KCTD8: variants seen among roughly 807,000 people sequenced by gnomAD.
KCTD8 encodes potassium channel tetramerization domain containing 8.
A neutral mutation model predicts 31.5 loss-of-function variants in KCTD8; 27 were observed. That is an observed-to-expected ratio of 0.86 (90% CI 0.63 to 1.18). KCTD8 has a LOEUF of 1.18. Among genes scored for constraint, KCTD8 ranks in the 50% most tolerant of loss-of-function variants. The pLI is 0.00. For synonymous variants in KCTD8, 290 were observed against 280.0 expected (o/e 1.04, Z -0.36); for missense variants, 658 against 647.7 (o/e 1.02, Z -0.17).
chr4:44,370,949 T>A (rs1250209474), intron 1 of KCTD8, among the ~76,000 whole-genome samples: 1 of 151,952 alleles, frequency 6.6e-6, no homozygotes, highest in Non-Finnish European at 1.5e-5. Context: ...TGTGAAGAAT[T>A]GGCTCATATG....
intron 1 of KCTD8, among the ~76,000 whole-genome samples, chr4:44,370,733 T>C (rs549750392): frequency 6.6e-6 from 1 of 152,296 alleles, no homozygotes; most frequent in East Asian, 1.9e-4. Flanking sequence ...CAGGCCATAA[T>C]TGAGTTACAC....
At chr4:44,323,498 C>CCA (rs1718355112) in intron 1 of KCTD8, among the ~76,000 whole-genome samples, 1 of 88,468 alleles carries the variant, frequency 1.1e-5, no homozygotes, top group African/African-American at 3.7e-5. Flanking sequence ...CCATCCCCAC[C>CCA]CACCCCCCCC....
At chr4:44,443,591 TCAAA>T (rs146827677) in intron 1 of KCTD8, among the ~76,000 whole-genome samples, 2,294 of 152,204 alleles carry the variant, frequency 0.015, 42 homozygotes, top group Middle Eastern at 0.071. Flanking sequence ...TTTTCATGTA[TCAAA>T]CAAACAAACA....
intron 1 of KCTD8, among the ~76,000 whole-genome samples, chr4:44,334,565 T>C (rs753119112): frequency 6.6e-6 from 1 of 152,108 alleles, no homozygotes; most frequent in African/African-American, 2.4e-5. Flanking sequence ...AGGGATTAAA[T>C]TATAAATGTA....
chr4:44,302,544 C>T (rs866461178), intron 1 of KCTD8, among the ~76,000 whole-genome samples: 32 of 152,070 alleles, frequency 2.1e-4, no homozygotes, highest in African/African-American at 7.0e-4. Flanking sequence ...TATAAGAATG[C>T]TTGTGATTTT....
chr4:44,406,415 T>C (rs1486362304), intron 1 of KCTD8, among the ~76,000 whole-genome samples: 3 of 152,148 alleles, frequency 2.0e-5, no homozygotes, highest in African/African-American at 7.2e-5. Flanking sequence ...ATTTGATTCA[T>C]GGGGGTGGTT....
At chr4:44,271,872 C>G (rs1419829092) in intron 1 of KCTD8, among the ~76,000 whole-genome samples, 1 of 152,012 alleles carries the variant, frequency 6.6e-6, no homozygotes, top group South Asian at 2.1e-4. Context: ...GCTCTGAAGG[C>G]TGTGAGTCCC....
chr4:44,228,942 G>T (rs139949744), intron 1 of KCTD8, among the ~76,000 whole-genome samples: 288 of 152,164 alleles, frequency 1.9e-3, no homozygotes, highest in Middle Eastern at 0.01. Flanking sequence ...AACACTCATT[G>T]CCTTTAAAAT....
intron 1 of KCTD8, among the ~76,000 whole-genome samples, chr4:44,218,658 G>A (rs951257656): frequency 2.3e-4 from 34 of 150,974 alleles, no homozygotes; most frequent in African/African-American, 8.0e-4. Flanking sequence ...AATTAAAAAT[G>A]TGGCGTTCCA....
intron 1 of KCTD8, among the ~76,000 whole-genome samples, chr4:44,390,125 AG>A (rs1487267992): frequency 6.6e-6 from 1 of 152,022 alleles, no homozygotes; most frequent in East Asian, 1.9e-4. Flanking sequence ...GTTGTGCAGA[AG>A]CATTTTAGTT....
At chr4:44,412,044 A>G (rs1217389128) in intron 1 of KCTD8, among the ~76,000 whole-genome samples, 6 of 152,196 alleles carry the variant, frequency 3.9e-5, no homozygotes, top group African/African-American at 1.4e-4. Flanking sequence ...TGATATCTTA[A>G]ACCTAGAATA....
At chr4:44,427,469 G>GA (rs1231627905) in intron 1 of KCTD8, among the ~76,000 whole-genome samples, 4 of 150,918 alleles carry the variant, frequency 2.7e-5, no homozygotes, top group African/African-American at 9.7e-5. Flanking sequence ...GTCTAAAATA[G>GA]AAAAAAATGG....
chr4:44,442,243 T>C (rs1051647175), intron 1 of KCTD8, among the ~76,000 whole-genome samples: 1 of 152,198 alleles, frequency 6.6e-6, no homozygotes, highest in African/African-American at 2.4e-5. Context: ...TTATTTAATC[T>C]TATTTTTTGT....
chr4:44,436,432 G>GA (rs375428904), intron 1 of KCTD8, among the ~76,000 whole-genome samples: 3 of 151,534 alleles, frequency 2.0e-5, no homozygotes, highest in Non-Finnish European at 2.9e-5. Context: ...TATATTAACA[G>GA]AAAAAAAGAC....
intron 1 of KCTD8, among the ~76,000 whole-genome samples, chr4:44,355,659 G>T (rs1262246812): frequency 2.6e-5 from 4 of 152,094 alleles, no homozygotes; most frequent in African/African-American, 9.7e-5. Context: ...GACAGCTAGG[G>T]TTGACTTCTG....
At chr4:44,413,881 G>C (rs1035301905) in intron 1 of KCTD8, among the ~76,000 whole-genome samples, 1 of 152,090 alleles carries the variant, frequency 6.6e-6, no homozygotes, top group Admixed American at 6.6e-5. Context: ...AGAGGGACAG[G>C]AAAATCAGAC....
Position 44,386,926 on chromosome 4 carries a change from G to A in KCTD8, c.961+60637C>T, listed in dbSNP as rs898093341. Among the ~76,000 whole-genome samples, 6 of 151,608 alleles carry A rather than the reference G, an allele frequency of 4.0e-5. No homozygotes were observed. In the East Asian group the frequency reaches 1.2e-3, roughly 29 times the overall value. ...TAAAGGGCATTCAAACAGAAACAGA[G>A]GAAGTCAAATTATCTTTATTTGCAG... On this transcript the variant is annotated intron_variant, in intron 1 of 1. Transcript: ENST00000360029.
At chr4:44,376,905 A>G (rs1423447286) in intron 1 of KCTD8, among the ~76,000 whole-genome samples, 1 of 152,160 alleles carries the variant, frequency 6.6e-6, no homozygotes, top group Non-Finnish European at 1.5e-5. Flanking sequence ...AAGATGTAGA[A>G]TATCTGTAAA....
intron 1 of KCTD8, among the ~76,000 whole-genome samples, chr4:44,266,097 T>C (rs1359538135): frequency 6.6e-6 from 1 of 151,658 alleles, no homozygotes; most frequent in Non-Finnish European, 1.5e-5. Context: ...ATTGTCAGAT[T>C]CACCAAAGTT....
Sources: gnomAD v4.1 joint callset for allele counts (sites outside exome capture counted in the v4.1 genomes callset) on GRCh38, gnomAD v4.1.1 for gene constraint, MANE v1.5 for transcripts, NCBI Gene and HGNC (gene_info 2026-07-23, HGNC 2026-07-21) for gene names.